KRABD5: variants seen among roughly 807,000 people sequenced by gnomAD.
KRABD5 encodes KRAB domain-containing protein 5.
chr16:31,752,721 T>C, the KRABD5 span, among the ~76,000 whole-genome samples: 5 of 152,072 alleles, frequency 3.3e-5, no homozygotes, highest in Non-Finnish European at 4.4e-5. Flanking sequence ...TAAAAAATTA[T>C]TCAGATGTGA....
At chr16:31,714,424 T>C in the KRABD5 span, 2 of 456,226 alleles carry the variant, frequency 4.4e-6, no homozygotes, top group South Asian at 3.1e-5. Flanking sequence ...TGAGGTAGGA[T>C]TGGCAGCACT....
the KRABD5 span, among the ~76,000 whole-genome samples, chr16:31,717,409 C>G: frequency 6.6e-6 from 1 of 152,314 alleles, no homozygotes; most frequent in East Asian, 1.9e-4. Flanking sequence ...GAGCAGGCAT[C>G]TACCTTCAGG....
At chr16:31,721,825 T>A in the KRABD5 span, among the ~76,000 whole-genome samples, 718 of 152,350 alleles carry the variant, frequency 4.7e-3, 9 homozygotes, top group African/African-American at 0.016. Flanking sequence ...GAGGCATTGG[T>A]GTCACTGGTA....
chr16:31,719,972 A>G, the KRABD5 span, among the ~76,000 whole-genome samples: 2 of 152,178 alleles, frequency 1.3e-5, no homozygotes, highest in Non-Finnish European at 2.9e-5. Flanking sequence ...TAGCTTTTAT[A>G]GTGACAGGGA....
At chr16:31,738,509 C>T in the KRABD5 span, among the ~76,000 whole-genome samples, 6 of 152,042 alleles carry the variant, frequency 3.9e-5, no homozygotes, top group African/African-American at 1.4e-4. Context: ...ACTAATATGA[C>T]AGTATTTTAC....
the KRABD5 span, among the ~76,000 whole-genome samples, chr16:31,744,014 G>GT: frequency 9.2e-5 from 14 of 151,926 alleles, no homozygotes; most frequent in African/African-American, 2.2e-4. Context: ...AGTTTAAGGA[G>GT]TTTTTTTTGG....
the KRABD5 span, among the ~76,000 whole-genome samples, chr16:31,723,887 A>G: frequency 6.6e-6 from 1 of 152,176 alleles, no homozygotes; most frequent in Non-Finnish European, 1.5e-5. Flanking sequence ...TCAGAGTGCA[A>G]AACATCTTCC....
the KRABD5 span, chr16:31,757,877 G>A: frequency 3.3e-5 from 5 of 152,010 alleles, no homozygotes; most frequent in South Asian, 8.3e-4. Flanking sequence ...TAGATAGATA[G>A]ATAGATAGAT....
the KRABD5 span, among the ~76,000 whole-genome samples, chr16:31,744,812 A>C: frequency 6.7e-6 from 1 of 148,678 alleles, no homozygotes; most frequent in South Asian, 2.2e-4. Context: ...TTATTAGTCT[A>C]TTCAGGGATT....
the KRABD5 span, chr16:31,754,723 T>C: frequency 0.023 from 10,693 of 458,770 alleles, 217 homozygotes; most frequent in Non-Finnish European, 0.034. Context: ...GATGTAATAA[T>C]GGTGAGAAAA....
chr16:31,725,437 A>G, the KRABD5 span, among the ~76,000 whole-genome samples: 3 of 152,142 alleles, frequency 2.0e-5, no homozygotes, highest in Non-Finnish European at 2.9e-5. Flanking sequence ...TCTTTTAGGT[A>G]TATACTTAGA....
chr16:31,733,614 T>C, the KRABD5 span: 1 of 456,274 alleles, frequency 2.2e-6, no homozygotes, highest in Non-Finnish European at 4.4e-6. Flanking sequence ...GTTTGGCTAC[T>C]GTAGATACTT....
the KRABD5 span, chr16:31,722,653 A>G: frequency 1.5e-4 from 236 of 1,613,572 alleles, no homozygotes; most frequent in African/African-American, 2.3e-3. Context: ...GGATGTGGCC[A>G]TAGAATTCTC....
the KRABD5 span, chr16:31,714,528 G>C: frequency 2.4e-6 from 1 of 408,420 alleles, no homozygotes; most frequent in Non-Finnish European, 4.9e-6. Flanking sequence ...CTTGTGGAGA[G>C]CTGATGAGAT....
chr16:31,713,575 A>G, the KRABD5 span: 4 of 1,290,634 alleles, frequency 3.1e-6, no homozygotes, highest in Non-Finnish European at 4.2e-6. Context: ...CTCCGCCGCA[A>G]GATGGCGGCC....
the KRABD5 span, chr16:31,714,345 C>A: frequency 2.2e-6 from 1 of 456,084 alleles, no homozygotes; most frequent in Non-Finnish European, 4.4e-6. Context: ...AGTGATTTTG[C>A]TATTTTCCTG....
chr16:31,725,839 T>C, the KRABD5 span, among the ~76,000 whole-genome samples: 1 of 152,240 alleles, frequency 6.6e-6, no homozygotes, highest in Non-Finnish European at 1.5e-5. Flanking sequence ...GGCAACTGAG[T>C]TGTGTGAGAT....
At chr16:31,754,065 C>T in the KRABD5 span, 2 of 846,864 alleles carry the variant, frequency 2.4e-6, no homozygotes, top group Non-Finnish European at 3.9e-6. Flanking sequence ...GTGTCAACAT[C>T]AATTTTTGAA....
At chr16:31,721,566 C>T in the KRABD5 span, among the ~76,000 whole-genome samples, 1 of 151,296 alleles carries the variant, frequency 6.6e-6, no homozygotes. Flanking sequence ...GGGGAAGGGT[C>T]AGCAAAATAT....
Sources: gnomAD v4.1 joint callset for allele counts (sites outside exome capture counted in the v4.1 genomes callset) on GRCh38, gnomAD v4.1.1 for gene constraint, MANE v1.5 for transcripts, NCBI Gene and HGNC (gene_info 2026-07-23, HGNC 2026-07-21) for gene names.